The following PRKCA variants were observed in gnomAD, a reference collection of about 807,000 sequenced individuals.
PRKCA encodes the protein protein kinase C alpha, also known as protein kinase C alpha type.
Under a neutral mutation model 87.0 loss-of-function variants are expected in PRKCA, and 27 were observed. That is an observed-to-expected ratio of 0.31 (90% CI 0.23 to 0.43). The LOEUF (loss-of-function observed/expected upper bound fraction) is 0.43, where lower values mean the gene tolerates loss of function less well. PRKCA is among the 20% of genes least tolerant of loss of function. The pLI is 1.00. For synonymous variants in PRKCA, 329 were observed against 311.1 expected, an observed-to-expected ratio of 1.06 and a Z score of -0.61; for missense variants, 518 against 852.3, an observed-to-expected ratio of 0.61 and a Z score of 4.88.
At chr17:66,560,218 T>A (rs1413757365) in intron 3 of PRKCA, among the ~76,000 whole-genome samples, 2 of 148,216 alleles carry the variant, frequency 1.3e-5, no homozygotes, top group African/African-American at 5.1e-5. Context: ...CTGAGGAGAG[T>A]AGTGGTGTGG....
chr17:66,542,219 A>T (rs1193757224), intron 3 of PRKCA, among the ~76,000 whole-genome samples: 1 of 152,196 alleles, frequency 6.6e-6, no homozygotes, highest in East Asian at 1.9e-4. Flanking sequence ...GGTGATTAAA[A>T]TATGACCTTT....
chr17:66,533,602 T>C (rs1967646451), intron 3 of PRKCA, among the ~76,000 whole-genome samples: 1 of 152,250 alleles, frequency 6.6e-6, no homozygotes, highest in Non-Finnish European at 1.5e-5. Flanking sequence ...CAGACTCATC[T>C]TGCCCATTCA....
intron 3 of PRKCA, among the ~76,000 whole-genome samples, chr17:66,573,827 C>T (rs570928134): frequency 9.9e-5 from 15 of 152,162 alleles, no homozygotes; most frequent in African/African-American, 3.6e-4. Context: ...TAAATAAACA[C>T]CTAGAAAAAT....
intron 2 of PRKCA, among the ~76,000 whole-genome samples, chr17:66,440,491 G>T (rs929268315): frequency 6.6e-6 from 1 of 152,200 alleles, no homozygotes; most frequent in African/African-American, 2.4e-5. Flanking sequence ...AGAGGCCCCT[G>T]CCCCTTCAGA....
At chr17:66,693,656 C>T (rs959403526) in intron 8 of PRKCA, among the ~76,000 whole-genome samples, 1 of 152,122 alleles carries the variant, frequency 6.6e-6, no homozygotes, top group Non-Finnish European at 1.5e-5. Flanking sequence ...GTCCACCTTG[C>T]GTTAGAGGCA....
intron 3 of PRKCA, among the ~76,000 whole-genome samples, chr17:66,612,255 C>A (rs1291269154): frequency 6.6e-6 from 1 of 151,858 alleles, no homozygotes; most frequent in Non-Finnish European, 1.5e-5. Flanking sequence ...GTGGCAGGCG[C>A]CTGTAATCCC....
intron 3 of PRKCA, among the ~76,000 whole-genome samples, chr17:66,502,266 G>A (rs1916767447): frequency 6.6e-6 from 1 of 150,808 alleles, no homozygotes; most frequent in African/African-American, 2.4e-5. Flanking sequence ...ACAGAGTCTC[G>A]CTCTGTTTCC....
chr17:66,638,124 A>ATATG (rs1491573606), intron 3 of PRKCA: 3 of 122,492 alleles, frequency 2.4e-5, no homozygotes, highest in African/African-American at 9.0e-5. Flanking sequence ...ATATATATAT[A>ATATG]TGTGTGTGTG....
At chr17:66,636,968 T>C (rs1971165217) in intron 3 of PRKCA, among the ~76,000 whole-genome samples, 1 of 152,190 alleles carries the variant, frequency 6.6e-6, no homozygotes, top group African/African-American at 2.4e-5. Flanking sequence ...GCTATTATTA[T>C]TACTGTCGTT....
chr17:66,732,646 GA>G, intron 8 of PRKCA, 41 bp from the exon 9 acceptor site: 1 of 1,612,720 alleles, frequency 6.2e-7, no homozygotes, highest in Non-Finnish European at 8.5e-7. Context: ...TCTTTCCCCA[GA>G]AAAATGACCC....
chr17:66,491,918 C>T (rs1044226596), intron 2 of PRKCA, among the ~76,000 whole-genome samples: 4 of 152,214 alleles, frequency 2.6e-5, no homozygotes, highest in East Asian at 3.9e-4. Context: ...ATGCAGCCAG[C>T]GTCGGCCAAC....
chr17:66,576,873 CTT>C (rs66875614), intron 3 of PRKCA, among the ~76,000 whole-genome samples: 12 of 138,320 alleles, frequency 8.7e-5, no homozygotes, highest in Non-Finnish European at 7.8e-5. Context: ...TGGTGATGTA[CTT>C]TTTTTTTTTT....
intron 8 of PRKCA, among the ~76,000 whole-genome samples, chr17:66,715,018 G>A (rs980775298): frequency 4.6e-5 from 7 of 152,146 alleles, no homozygotes; most frequent in Non-Finnish European, 8.8e-5. Flanking sequence ...AATGACAGTC[G>A]GCCCTGCTTT....
intron 5 of PRKCA, among the ~76,000 whole-genome samples, chr17:66,680,917 T>A (rs1454899246): frequency 1.3e-5 from 2 of 152,162 alleles, no homozygotes; most frequent in Non-Finnish European, 2.9e-5. Flanking sequence ...ATGCTACATA[T>A]ATTCTCTGGA....
At chr17:66,316,690 C>T (rs1225377003) in intron 2 of PRKCA, among the ~76,000 whole-genome samples, 1 of 151,972 alleles carries the variant, frequency 6.6e-6, no homozygotes, top group Non-Finnish European at 1.5e-5. Flanking sequence ...GATCTCTCTA[C>T]TATAAGGAAG....
At chr17:66,495,525 GTATTTTATTTTATTTTATTT>G (rs56718851) in intron 2 of PRKCA, among the ~76,000 whole-genome samples, 1 of 137,262 alleles carries the variant, frequency 7.3e-6, no homozygotes, top group Non-Finnish European at 1.5e-5. Flanking sequence ...ATGGTGCAAA[GTATTTTATTTTATTTTATTT>G]TATTTTATTT....
chr17:66,591,754 G>A (rs1352333183), intron 3 of PRKCA, among the ~76,000 whole-genome samples: 1 of 152,140 alleles, frequency 6.6e-6, no homozygotes, highest in African/African-American at 2.4e-5. Context: ...AGTTGTCCTG[G>A]AAGCCTATGT....
chr17:66,392,735 A>T (rs558842615), intron 2 of PRKCA, among the ~76,000 whole-genome samples: 1 of 152,204 alleles, frequency 6.6e-6, no homozygotes, highest in Non-Finnish European at 1.5e-5. Flanking sequence ...TTGCATTTTA[A>T]TAATAGCTTA....
At chr17:66,621,956 A>C (rs1970694765) in intron 3 of PRKCA, among the ~76,000 whole-genome samples, 1 of 152,176 alleles carries the variant, frequency 6.6e-6, no homozygotes, top group South Asian at 2.1e-4. Flanking sequence ...AATCCCAGCA[A>C]TTTGGGCGTC....
Sources: gnomAD v4.1 joint callset for allele counts (sites outside exome capture counted in the v4.1 genomes callset) on GRCh38, gnomAD v4.1.1 for gene constraint, MANE v1.5 for transcripts, NCBI Gene and HGNC (gene_info 2026-07-23, HGNC 2026-07-21) for gene names.